USP15: variants seen among roughly 807,000 people sequenced by gnomAD.
USP15 encodes the protein ubiquitin specific peptidase 15, also known as ubiquitin carboxyl-terminal hydrolase 15.
Under a neutral mutation model 127.1 loss-of-function variants are expected in USP15, and 18 were observed. The observed-to-expected ratio is 0.14, with a 90% CI of 0.10 to 0.21. The LOEUF (loss-of-function observed/expected upper bound fraction) is 0.21, where lower values mean the gene tolerates loss of function less well. Among genes scored for constraint, USP15 ranks in the 10% least tolerant of loss-of-function variants. The probability of loss-of-function intolerance (pLI) is 1.00; values close to 1 mark genes in which losing one functional copy is unlikely to be tolerated. For synonymous variants in USP15, 364 were observed against 393.7 expected (o/e 0.92, Z 0.89); for missense variants, 805 against 1,159.9 (o/e 0.69, Z 4.44).
intron 2 of USP15, among the ~76,000 whole-genome samples, chr12:62,295,686 C>T (rs73135280): frequency 0.077 from 11,650 of 152,216 alleles, 580 homozygotes; most frequent in Middle Eastern, 0.16. Context: ...TAAATGTAAA[C>T]ACCTCAACTA....
rs577331316 is a variant in USP15, at chr12:62,391,247, T to C, written c.2051T>C (p.Val684Ala). 1.9e-6 allele frequency: 3 copies of C among 1,613,592 alleles called. No individual in the cohort carries two copies. Among genetic ancestry groups the C allele is most frequent in the Admixed American group, 1.7e-5 (1 of 59,974 alleles). Residue 684 changes from valine (V) to alanine (A), a missense_variant, in exon 16 of 22, where the codon GTT becomes GCT. By Grantham distance (64) the Val-to-Ala change is moderately conservative. Coordinates refer to ENST00000280377, the MANE Select transcript of USP15 (RefSeq NM_001252078.2). ...GAAAACAGTCAGTCTGAAGATTCAG[T>C]TGGAGGAGATAATGATTCTGAAAAT... ...ENENSQSEDS[V>A]GGDNDSENGL...
intron 1 of USP15, among the ~76,000 whole-genome samples, 195 bp from the exon 2 acceptor site, chr12:62,293,984 T>G (rs2064054409): frequency 6.6e-6 from 1 of 152,212 alleles, no homozygotes; most frequent in Non-Finnish European, 1.5e-5. Flanking sequence ...TAGTATATAT[T>G]TATAGAACAA....
rs1233392902 is a variant in USP15, at chr12:62,416,379, G to C, written c.*12004G>C. On this transcript the variant is annotated 3_prime_UTR_variant, in exon 22 of 22. Coordinates refer to ENST00000280377, the MANE Select transcript of USP15 (RefSeq NM_001252078.2). ...CCTAAATGTAAAAGTTATTAAACAA[G>C]TTTTCTGAAAGTCTGAAGCTTTATT... is the stretch of plus-strand genomic sequence containing the variant. 1 of 152,154 alleles carries C rather than the reference G, an allele frequency of 6.6e-6. No individual in the cohort carries two copies. The highest frequency in any genetic ancestry group is 1.5e-5 in the Non-Finnish European group (1 of 68,048). 9.4% of individuals were successfully genotyped at this position (152,154 alleles called of 1,614,324 possible).
intron 6 of USP15, among the ~76,000 whole-genome samples, chr12:62,345,911 C>G: frequency 6.6e-6 from 1 of 152,084 alleles, no homozygotes; most frequent in East Asian, 1.9e-4. Flanking sequence ...TGGGAAAGAC[C>G]CGCCCCCGTG....
chr12:62,384,897 C>T lies in USP15; in HGVS notation c.1473+595C>T, dbSNP rs376884760. ...TCAAATTGTCTGCCTGATTCCGTTA[C>T]CTAGTGTTATAATTGGATTATTTAT... On this transcript the variant is annotated intron_variant, in intron 11 of 21. Coordinates refer to ENST00000280377, the MANE Select transcript of USP15 (RefSeq NM_001252078.2). 7.2e-5 allele frequency among the ~76,000 whole-genome samples: 11 copies of T among 151,914 alleles called. No individual in the cohort carries two copies. In the East Asian group the frequency reaches 1.2e-3, roughly 16 times the overall value.
chr12:62,277,585 T>C lies in USP15; in HGVS notation c.90-16594T>C, dbSNP rs984580777. 3.3e-5 allele frequency: 5 copies of C among 151,690 alleles called. No homozygotes were observed. In the South Asian group the frequency reaches 1.0e-3, roughly 32 times the overall value. 9.4% of individuals were successfully genotyped at this position (151,690 alleles called of 1,614,324 possible). On this transcript the variant is annotated intron_variant, in intron 1 of 21. Transcript: ENST00000280377. ...GGTGAGTCAGTGAGTTAGTAGAGAG[T>C]GAATGTGAAGGCCTAGGGCAGGGTT...
chr12:62,289,725 G>GTGTGTGTGTGTGTGTGTGTGTGTGTGTT (rs2063901331), intron 1 of USP15, among the ~76,000 whole-genome samples: 1 of 151,512 alleles, frequency 6.6e-6, no homozygotes, highest in Non-Finnish European at 1.5e-5. Flanking sequence ...GTGTGTGTGT[G>GTGTGTGTGTGTGTGTGTGTGTGTGTGTT]TGTGTGTGTG....
chr12:62,358,418 A>C (rs565333937), intron 8 of USP15, among the ~76,000 whole-genome samples: 1 of 152,308 alleles, frequency 6.6e-6, no homozygotes, highest in South Asian at 2.1e-4. Context: ...GTAAAAAATA[A>C]CAATACAACA....
At chr12:62,400,672 T>A (rs1438644327) in intron 20 of USP15, among the ~76,000 whole-genome samples, 2 of 150,442 alleles carry the variant, frequency 1.3e-5, no homozygotes, top group Admixed American at 6.6e-5. Context: ...GAAATCGTCA[T>A]AGAAAATTTA....
rs1272749868 is a variant in USP15, at chr12:62,408,241, T to C, written c.*3866T>C. On this transcript the variant is annotated 3_prime_UTR_variant, in exon 22 of 22. Transcript: ENST00000280377. Reference sequence around the variant, plus strand: ...ACTGATAACGTTTAAGTCTGATGTATGGTGACAAGAAAAAGGCCAATTTTT... The same window carrying C: ...ACTGATAACGTTTAAGTCTGATGTACGGTGACAAGAAAAAGGCCAATTTTT... 1.3e-5 allele frequency: 2 copies of C among 152,132 alleles called. No homozygotes were observed. Among genetic ancestry groups the C allele is most frequent in the Non-Finnish European group, 2.9e-5 (2 of 68,022 alleles). 9.4% of individuals were successfully genotyped at this position (152,132 alleles called of 1,614,324 possible). A position where few individuals can be genotyped will look rare whatever the true frequency, so the allele number is the denominator to read the frequency against.
At chr12:62,335,671 C>G in intron 6 of USP15, 1 of 986,512 alleles carries the variant, frequency 1.0e-6, no homozygotes, top group Non-Finnish European at 1.2e-6. Context: ...ATCTTTAAAA[C>G]CAAAAACCAT....
chr12:62,336,212 A>G, intron 6 of USP15: 1 of 985,464 alleles, frequency 1.0e-6, no homozygotes, highest in Non-Finnish European at 1.2e-6. Context: ...TCAAACTGAC[A>G]CAAAATATGC....
At chr12:62,319,033 G>A (rs976163512) in intron 4 of USP15, among the ~76,000 whole-genome samples, 1 of 152,118 alleles carries the variant, frequency 6.6e-6, no homozygotes, top group African/African-American at 2.4e-5. Flanking sequence ...AGAACTACTG[G>A]AGACTAGGTA....
rs554988277 is a variant in USP15, at chr12:62,410,900, A to G, written c.*6525A>G. The G allele has an allele frequency of 1.3e-5, 2 of 151,862 alleles. No homozygotes were observed. The highest frequency in any genetic ancestry group is 3.4e-3 in the Middle Eastern group (1 of 294). The allele number at this position is 151,862 out of a possible 1,614,324, so 9.4% of individuals were successfully genotyped here. ...CTCACTCCTATAAAAGACTTGGAACAGAAGTCTTAGTATGATGGTAAACTT... is the reference window on the plus strand; with the variant it reads ...CTCACTCCTATAAAAGACTTGGAACGGAAGTCTTAGTATGATGGTAAACTT... On this transcript the variant is annotated 3_prime_UTR_variant, in exon 22 of 22. Coordinates refer to ENST00000280377, the MANE Select transcript of USP15 (RefSeq NM_001252078.2).
chr12:62,377,024 A>G (rs1025546709), intron 8 of USP15, among the ~76,000 whole-genome samples: 1 of 152,262 alleles, frequency 6.6e-6, no homozygotes, highest in Non-Finnish European at 1.5e-5. Flanking sequence ...TTACCTTATA[A>G]AAATTATACA....
intron 8 of USP15, among the ~76,000 whole-genome samples, chr12:62,375,669 G>T (rs557428336): frequency 6.6e-6 from 1 of 152,206 alleles, no homozygotes; most frequent in South Asian, 2.1e-4. Flanking sequence ...TTCTTATAGG[G>T]GATGAATATT....
chr12:62,380,005 G>GCATAGGGCT (rs1485179676), intron 8 of USP15, among the ~76,000 whole-genome samples: 25 of 151,960 alleles, frequency 1.6e-4, no homozygotes, highest in African/African-American at 5.6e-4. Context: ...CTACACTGTA[G>GCATAGGGCT]CATACCTCTC....
intron 5 of USP15, among the ~76,000 whole-genome samples, chr12:62,324,077 C>T (rs1477333911): frequency 6.6e-6 from 1 of 151,556 alleles, no homozygotes; most frequent in Non-Finnish European, 1.5e-5. Flanking sequence ...GAAGAGTTTG[C>T]CTCCCAAAAT....
chr12:62,338,613 T>C (rs2065553300), intron 6 of USP15, among the ~76,000 whole-genome samples: 1 of 152,194 alleles, frequency 6.6e-6, no homozygotes, highest in East Asian at 1.9e-4. Context: ...TTTTGGGTTT[T>C]ACATTTAAGT....
Sources: gnomAD v4.1 joint callset for allele counts (sites outside exome capture counted in the v4.1 genomes callset) on GRCh38, gnomAD v4.1.1 for gene constraint, MANE v1.5 for transcripts, NCBI Gene and HGNC (gene_info 2026-07-23, HGNC 2026-07-21) for gene names.